STXBP3: variants seen among roughly 807,000 people sequenced by gnomAD.
STXBP3 encodes syntaxin-binding protein 3.
A neutral mutation model predicts 85.7 loss-of-function variants in STXBP3; 41 were observed. The ratio of observed to expected loss-of-function variants is 0.48; its 90% CI spans 0.37 to 0.62. The LOEUF (loss-of-function observed/expected upper bound fraction) is 0.62, where lower values mean the gene tolerates loss of function less well. Among genes scored for constraint, STXBP3 ranks in the 20% least tolerant of loss-of-function variants. STXBP3 has a pLI of 0.00. For synonymous variants in STXBP3, 229 were observed against 231.7 expected (o/e 0.99, Z 0.10); for missense variants, 563 against 703.1 (o/e 0.80, Z 2.25).
chr1:108,760,110 T>A (rs777653135), intron 6 of STXBP3, 25 bp downstream of exon 6: 1 of 1,435,360 alleles, frequency 7.0e-7, no homozygotes, highest in African/African-American at 1.5e-5. Flanking sequence ...TATTTTTTAG[T>A]TCATGAGAGG....
intron 17 of STXBP3, among the ~76,000 whole-genome samples, 154 bp from the exon 18 acceptor site, chr1:108,807,247 G>A (rs1280093872): frequency 8.2e-6 from 1 of 122,336 alleles, no homozygotes; most frequent in African/African-American, 3.3e-5. Flanking sequence ...TACAAAGTGA[G>A]ACTCCACCTC....
chr1:108,759,869 CATA>C (rs1391393569), intron 5 of STXBP3, 113 bp from the exon 6 acceptor site: 3 of 657,796 alleles, frequency 4.6e-6, no homozygotes, highest in Non-Finnish European at 5.3e-6. Flanking sequence ...TTTATGTCCT[CATA>C]ATAACTGTGA....
At chr1:108,795,755 CT>C (rs1437420579) in intron 13 of STXBP3, among the ~76,000 whole-genome samples, 1 of 151,966 alleles carries the variant, frequency 6.6e-6, no homozygotes, top group Non-Finnish European at 1.5e-5. Context: ...ATTTTTTGAC[CT>C]TTTGTATTTT....
intron 6 of STXBP3, among the ~76,000 whole-genome samples, chr1:108,761,743 T>A (rs146848343): frequency 0.019 from 2,940 of 152,106 alleles, 76 homozygotes; most frequent in African/African-American, 0.054. Context: ...GAGGCCGAGG[T>A]GGGTGGATTA....
chr1:108,749,450 G>C (rs1661859357), intron 1 of STXBP3, among the ~76,000 whole-genome samples: 1 of 152,176 alleles, frequency 6.6e-6, no homozygotes, highest in Non-Finnish European at 1.5e-5. Flanking sequence ...GAGAAGACCA[G>C]CCACAGGAGC....
At chr1:108,748,346 C>A (rs947646279) in intron 1 of STXBP3, among the ~76,000 whole-genome samples, 4 of 152,000 alleles carry the variant, frequency 2.6e-5, no homozygotes, top group Admixed American at 1.3e-4. Flanking sequence ...CAAAGTGAGA[C>A]CCCATCTCTA....
chr1:108,765,846 ATT>A (rs1221460441), intron 6 of STXBP3, among the ~76,000 whole-genome samples: 30 of 74,016 alleles, frequency 4.1e-4, no homozygotes, highest in African/African-American at 1.5e-3. Flanking sequence ...TGCTCCCGGC[ATT>A]TTTTTTTTTT....
In STXBP3 at chr1:108,809,242, A is replaced by G. The variant is rs1290207030; in HGVS notation, c.*365A>G. On this transcript the variant is annotated 3_prime_UTR_variant, in exon 19 of 19. Coordinates refer to ENST00000370008, the MANE Select transcript of STXBP3 (RefSeq NM_007269.4). ...CATGCTGAAGTATAGTTTTTGGGAAAGAATGATTTTAAATAAAGAGATTGT... is the reference window on the plus strand; with the variant it reads ...CATGCTGAAGTATAGTTTTTGGGAAGGAATGATTTTAAATAAAGAGATTGT... The G allele has an allele frequency of 6.4e-6, 1 of 157,136 alleles. No individual in the cohort carries two copies. Among genetic ancestry groups the G allele is most frequent in the Non-Finnish European group, 1.4e-5 (1 of 71,520 alleles). 9.7% of individuals were successfully genotyped at this position (157,136 alleles called of 1,614,324 possible).
intron 1 of STXBP3, 149 bp from the exon 2 acceptor site, chr1:108,752,108 G>A (rs1219568504): frequency 2.1e-5 from 14 of 656,064 alleles, no homozygotes; most frequent in Non-Finnish European, 3.6e-5. Context: ...ATTAGAATTG[G>A]ATTTTTCCGT....
At chr1:108,767,117 T>C in intron 6 of STXBP3, 2 of 327,942 alleles carry the variant, frequency 6.1e-6, no homozygotes, top group Non-Finnish European at 1.2e-5. Context: ...GCTGTTCACC[T>C]ACAACAACTT....
intron 12 of STXBP3, 122 bp downstream of exon 12, chr1:108,793,769 A>C: frequency 2.8e-6 from 2 of 712,732 alleles, no homozygotes; most frequent in Non-Finnish European, 4.5e-6. Context: ...GTCCTCTAAA[A>C]CCTTACTATA....
At chr1:108,795,553 T>C in intron 13 of STXBP3, among the ~76,000 whole-genome samples, 1 of 151,858 alleles carries the variant, frequency 6.6e-6, no homozygotes, top group East Asian at 1.9e-4. Context: ...TATTTCAACA[T>C]ATAATCAGTA....
At chr1:108,771,603 A>T (rs1465559907) in intron 6 of STXBP3, among the ~76,000 whole-genome samples, 1 of 74,040 alleles carries the variant, frequency 1.4e-5, no homozygotes, top group African/African-American at 5.9e-5. Flanking sequence ...TCATATATAA[A>T]TATATATGAT....
rs1396659477 is a variant in STXBP3 at position 108,772,787 on chromosome 1, C to A, written c.561C>A (p.Thr187=). 2.5e-6 allele frequency: 4 copies of A among 1,598,540 alleles called. No homozygotes were observed. Among genetic ancestry groups the A allele is most frequent in the Non-Finnish European group, 2.6e-6 (3 of 1,171,786 alleles). Residue 187 remains threonine, a synonymous_variant, in exon 7 of 19, where the codon ACC becomes ACA. Transcript: ENST00000370008. ...ACCAGATAGTTACAGTGTGTGCCAC[C>A]TTGGATGAAAATCCCGGAGTAAGAT... The part of the protein sequence containing the change: ...MADQIVTVCA[T]LDENPGVRYK...
At chr1:108,772,957 G>A (rs1662501587) in intron 7 of STXBP3, 138 bp downstream of exon 7, 1 of 797,234 alleles carries the variant, frequency 1.3e-6, no homozygotes, top group Non-Finnish European at 1.7e-6. Flanking sequence ...ACATATAGGA[G>A]ATTTAAAGCT....
chr1:108,768,106 G>C (rs115292790), intron 6 of STXBP3, among the ~76,000 whole-genome samples: 1 of 152,032 alleles, frequency 6.6e-6, no homozygotes, highest in Non-Finnish European at 1.5e-5. Context: ...TCTTGTAGTC[G>C]GCCACAAAAG....
intron 1 of STXBP3, among the ~76,000 whole-genome samples, chr1:108,750,164 TAAGAG>T (rs1661871283): frequency 6.6e-6 from 1 of 152,090 alleles, no homozygotes; most frequent in Admixed American, 6.6e-5. Context: ...ATTCATTTCT[TAAGAG>T]AAAGACACAA....
intron 3 of STXBP3, among the ~76,000 whole-genome samples, chr1:108,755,705 T>C (rs1056622299): frequency 6.6e-6 from 1 of 152,210 alleles, no homozygotes; most frequent in African/African-American, 2.4e-5. Context: ...AGCATGACTG[T>C]AAGACACTCC....
rs901851676 is a variant in STXBP3, at chr1:108,808,964, T to C, written c.*87T>C. ...TGTTGCTGTCATGTAATTTAAACAATGTAAATATTTTATGGAATAATGGCT... is the reference window on the plus strand; with the variant it reads ...TGTTGCTGTCATGTAATTTAAACAACGTAAATATTTTATGGAATAATGGCT... On this transcript the variant is annotated 3_prime_UTR_variant, in exon 19 of 19. Transcript: ENST00000370008. 4.1e-5 allele frequency: 36 copies of C among 888,262 alleles called. No individual in the cohort carries two copies. In the African/African-American group the frequency reaches 5.7e-4, roughly 14 times the overall value. 55.0% of individuals were successfully genotyped at this position (888,262 alleles called of 1,614,324 possible).
Sources: allele counts gnomAD v4.1 joint callset (sites outside exome capture counted in the v4.1 genomes callset), GRCh38; gene constraint gnomAD v4.1.1; transcripts MANE v1.5; gene names NCBI Gene and HGNC (gene_info 2026-07-23, HGNC 2026-07-21).